The following TMPRSS11E variants were observed in gnomAD, a reference collection of about 807,000 sequenced individuals.
TMPRSS11E encodes the protein transmembrane protease serine 11E.
In TMPRSS11E, 38 loss-of-function variants were observed where a neutral mutation model predicts 48.1. The observed-to-expected ratio is 0.79, with a 90% confidence interval of 0.61 to 1.04. TMPRSS11E has a LOEUF of 1.04. TMPRSS11E is among the 50% of genes least tolerant of loss of function. The pLI, the probability that TMPRSS11E is intolerant of heterozygous loss-of-function variation, is 0.00. For missense variants in TMPRSS11E, 530 were observed against 510.8 expected, an observed-to-expected ratio of 1.04 and a Z score of -0.36; for synonymous variants, 158 against 171.9, an observed-to-expected ratio of 0.92 and a Z score of 0.63.
At chr4:68,460,041 G>A (rs149330829) in intron 1 of TMPRSS11E, among the ~76,000 whole-genome samples, 13 of 152,294 alleles carry the variant, frequency 8.5e-5, no homozygotes, top group African/African-American at 3.1e-4. Flanking sequence ...AGGGAAAACT[G>A]GAGATGGGAA....
intron 4 of TMPRSS11E, among the ~76,000 whole-genome samples, chr4:68,470,279 A>G (rs1224455948): frequency 6.6e-6 from 1 of 151,902 alleles, no homozygotes; most frequent in African/African-American, 2.4e-5. Flanking sequence ...TGATGGAAGG[A>G]ATATAGGAAA....
At position 68,496,995 on chromosome 4, in the gene TMPRSS11E, T is replaced by G. The variant is rs546583232; in HGVS notation, c.*191T>G. On this transcript the variant is annotated 3_prime_UTR_variant, in exon 10 of 10. Coordinates refer to ENST00000305363, the MANE Select transcript of TMPRSS11E (RefSeq NM_014058.4). The stretch of plus-strand genomic sequence containing the variant: ...ACATAAGCATCCTGCTTCTGCCAGA[T>G]CAACTCTGTCATCTGTGAGCAATAG... 1.8e-6 allele frequency: 1 copy of G among 549,996 alleles called. No homozygotes were observed. The highest frequency in any genetic ancestry group is 3.2e-6 in the Non-Finnish European group (1 of 310,836). The allele number at this position is 549,996 out of a possible 1,614,324, so 34.1% of individuals were successfully genotyped here. A position where few individuals can be genotyped will look rare whatever the true frequency, so the allele number is the denominator to read the frequency against.
intron 9 of TMPRSS11E, among the ~76,000 whole-genome samples, chr4:68,482,701 G>A (rs976481541): frequency 6.6e-6 from 1 of 151,892 alleles, no homozygotes; most frequent in Non-Finnish European, 1.5e-5. Flanking sequence ...GATCGTGGGA[G>A]GTTTAGGCTG....
At chr4:68,476,839 G>T (rs1275998434) in intron 7 of TMPRSS11E, among the ~76,000 whole-genome samples, 1 of 152,006 alleles carries the variant, frequency 6.6e-6, no homozygotes, top group East Asian at 1.9e-4. Context: ...TAAATACGAA[G>T]AATTATGTAA....
chr4:68,492,312 C>A (rs1729746765), intron 9 of TMPRSS11E, among the ~76,000 whole-genome samples: 2 of 152,224 alleles, frequency 1.3e-5, no homozygotes, highest in African/African-American at 4.8e-5. Context: ...ACTCAAGGCA[C>A]TTTTATGATC....
At chr4:68,456,442 G>T (rs1728632415) in intron 1 of TMPRSS11E, among the ~76,000 whole-genome samples, 1 of 151,774 alleles carries the variant, frequency 6.6e-6, no homozygotes, top group South Asian at 2.1e-4. Flanking sequence ...GGAGTAATTT[G>T]CTTGTATTTC....
rs1578142338 is a variant in TMPRSS11E, at chr4:68,480,671, T to C, written c.1110+1680T>C. ...CCTTTTCTCATTCAAGTAAAAACTT[T>C]TATATTTCATTGTATGATGACTGAT... On this transcript the variant is annotated intron_variant, in intron 9 of 9. Transcript: ENST00000305363. 2.0e-5 allele frequency among the ~76,000 whole-genome samples: 3 copies of C among 152,310 alleles called. No homozygotes were observed. In the East Asian group the frequency reaches 5.8e-4, roughly 29 times the overall value.
In TMPRSS11E at chr4:68,476,427, C is replaced by T; in HGVS notation, c.696C>T (p.His232=). ...CCACATGGCTTGTGAGTGCTGCTCA[C>T]TGTTTTACAACGTAAGTCTTGAAGC... ...INATWLVSAA[H]CFTTYKNPAR... is the part of the protein sequence containing the mutation. The change falls in exon 7 of 10, where the codon CAC becomes CAT. Residue 232 remains histidine (H), a synonymous_variant. Coordinates refer to ENST00000305363, the MANE Select transcript of TMPRSS11E (RefSeq NM_014058.4). 6.2e-7 allele frequency: 1 copy of T among 1,610,370 alleles called. No individual in the cohort carries two copies.
Position 68,478,601 on chromosome 4 carries a change from C to A in TMPRSS11E, c.968-248C>A, listed in dbSNP as rs554970346. 8.6e-5 allele frequency among the ~76,000 whole-genome samples: 13 copies of A among 151,118 alleles called. 2 individuals carry two copies. In the South Asian group the frequency reaches 2.7e-3, roughly 32 times the overall value. On this transcript the variant is annotated intron_variant, in intron 8 of 9. Transcript: ENST00000305363. ...TCCTGAATAGCTGGGATTACAGGTG[C>A]ATGCCACCACCCCCGGCTAATTTTT...
chr4:68,474,895 T>C (rs1729168928), intron 6 of TMPRSS11E, 134 bp downstream of exon 6: 1 of 711,526 alleles, frequency 1.4e-6, no homozygotes, highest in Non-Finnish European at 2.3e-6. Context: ...GTACAGTTCA[T>C]GGTACTTTAT....
chr4:68,479,055 T>A (rs1397030307), intron 9 of TMPRSS11E, 64 bp downstream of exon 9: 1 of 1,586,016 alleles, frequency 6.3e-7, no homozygotes. Flanking sequence ...GAAATAATTA[T>A]ATATCTACAG....
chr4:68,473,114 A>T (rs1358979041), intron 5 of TMPRSS11E, among the ~76,000 whole-genome samples: 2 of 152,086 alleles, frequency 1.3e-5, no homozygotes, highest in Non-Finnish European at 2.9e-5. Context: ...AGAAAATTCT[A>T]CCAACACTCT....
Position 68,474,897 on chromosome 4 carries a change from G to T in TMPRSS11E, c.529+136G>T, listed in dbSNP as rs1004873421. 8.5e-6 allele frequency: 6 copies of T among 704,754 alleles called. No individual in the cohort carries two copies. In the African/African-American group the frequency reaches 1.1e-4, roughly 13 times the overall value. The allele number at this position is 704,754 out of a possible 1,614,324, so 43.7% of individuals were successfully genotyped here. ...TTGATTAATTTGTGTACAGTTCATG[G>T]TACTTTATCATATCTTGGAGATACA... On this transcript the variant is annotated intron_variant, in intron 6 of 9. Transcript: ENST00000305363.
chr4:68,452,679 C>T (rs1728531020), intron 1 of TMPRSS11E, among the ~76,000 whole-genome samples: 2 of 151,876 alleles, frequency 1.3e-5, no homozygotes, highest in South Asian at 4.1e-4. Flanking sequence ...CTTACCTTGG[C>T]TTTCAAAAAA....
rs751240152 is a variant in TMPRSS11E at position 68,476,233 on chromosome 4, C to A, written c.530-28C>A. On this transcript the variant is annotated intron_variant, in intron 6 of 9. Transcript: ENST00000305363. ...AACAACTGCTAATTAATGCACCCACCAATGCACCCCCCCTCTCTCTTTTGC... is the reference window on the plus strand; with the variant it reads ...AACAACTGCTAATTAATGCACCCACAAATGCACCCCCCCTCTCTCTTTTGC... 6 of 1,612,946 alleles carry A rather than the reference C, an allele frequency of 3.7e-6. No individual in the cohort carries two copies. The South Asian group carries it at 5.5e-5, about 15-fold the overall frequency.
intron 4 of TMPRSS11E, 55 bp from the exon 5 acceptor site, chr4:68,471,405 C>T: frequency 3.3e-6 from 1 of 304,744 alleles, no homozygotes; most frequent in Non-Finnish European, 5.9e-6. Flanking sequence ...TCCCTTCCTG[C>T]CTTTCTTTCT....
At position 68,477,550 on chromosome 4, in the gene TMPRSS11E, T is replaced by C; in HGVS notation, c.889T>C (p.Cys297Arg). 1 of 1,614,130 alleles carries C rather than the reference T, an allele frequency of 6.2e-7. No homozygotes were observed. The highest frequency in any genetic ancestry group is 8.5e-7 in the Non-Finnish European group (1 of 1,179,974). The change falls in exon 8 of 10, where the codon TGT becomes CGT. Residue 297 changes from cysteine to arginine, a missense_variant. By Grantham distance (180) the Cys-to-Arg change is radical. Coordinates refer to ENST00000305363, the MANE Select transcript of TMPRSS11E (RefSeq NM_014058.4). ...CTACACAAATGCAGTACATAGAGTT[T>C]GTCTCCCTGATGCATCCTATGAGTT... ...VPYTNAVHRV[C>R]LPDASYEFQP...
At chr4:68,448,379 A>T (rs1728401018) in intron 1 of TMPRSS11E, among the ~76,000 whole-genome samples, 1 of 151,934 alleles carries the variant, frequency 6.6e-6, no homozygotes, top group African/African-American at 2.4e-5. Context: ...TTCTGTACAT[A>T]TCCATGAAGC....
intron 1 of TMPRSS11E, among the ~76,000 whole-genome samples, chr4:68,459,594 C>A (rs950592107): frequency 6.6e-6 from 1 of 152,064 alleles, no homozygotes; most frequent in Non-Finnish European, 1.5e-5. Context: ...TTATCATTAA[C>A]CTTTTTAATG....
Sources: gnomAD v4.1 joint callset for allele counts (sites outside exome capture counted in the v4.1 genomes callset) on GRCh38, gnomAD v4.1.1 for gene constraint, MANE v1.5 for transcripts, NCBI Gene and HGNC (gene_info 2026-07-23, HGNC 2026-07-21) for gene names.